The following KIAA0319L variants were observed in gnomAD, a reference collection of about 807,000 sequenced individuals.
KIAA0319L encodes KIAA0319 like.
In KIAA0319L, 55 loss-of-function variants were observed where a neutral mutation model predicts 120.1. That is an observed-to-expected ratio of 0.46 (90% CI 0.37 to 0.57). The LOEUF (loss-of-function observed/expected upper bound fraction) is 0.57. KIAA0319L is among the 20% of genes least tolerant of loss of function. KIAA0319L has a pLI of 0.00. For missense variants in KIAA0319L, 1,049 were observed against 1,255.3 expected (o/e 0.84, Z 2.48); for synonymous variants, 398 against 471.9 (o/e 0.84, Z 2.03).
intron 5 of KIAA0319L, among the ~76,000 whole-genome samples, chr1:35,471,954 G>A (rs906729877): frequency 3.3e-5 from 5 of 152,002 alleles, no homozygotes; most frequent in African/African-American, 4.8e-5. Flanking sequence ...AGTTGTCAGC[G>A]CCAACAGCTC....
intron 2 of KIAA0319L, among the ~76,000 whole-genome samples, chr1:35,512,469 A>T (rs1645491076): frequency 6.6e-6 from 1 of 152,102 alleles, no homozygotes; most frequent in Non-Finnish European, 1.5e-5. Flanking sequence ...GAGAAAAATC[A>T]AGGAAACAAA....
chr1:35,466,675 T>C lies in KIAA0319L; in HGVS notation c.1134A>G (p.Glu378=), dbSNP rs757131481. The part of the protein sequence containing the change: ...KLSKLTPGLY[E]FKVIVEGQNA... ...TTTGACCCTCTACAATCACTTTGAATTCATACAGGCCTGGAGTGAGCTGCA... is the reference window on the plus strand; with the variant it reads ...TTTGACCCTCTACAATCACTTTGAACTCATACAGGCCTGGAGTGAGCTGCA... Residue 378 remains glutamate (E), a synonymous_variant, in exon 7 of 21, where the codon GAA becomes GAG. Coordinates refer to ENST00000325722, the MANE Select transcript of KIAA0319L (RefSeq NM_024874.5). 3.1e-6 allele frequency: 5 copies of C among 1,613,008 alleles called. No homozygotes were observed. Among genetic ancestry groups the C allele is most frequent in the Non-Finnish European group, 4.2e-6 (5 of 1,179,086 alleles).
In KIAA0319L at chr1:35,461,098, T is replaced by G. The variant is rs186791356; in HGVS notation, c.1295-661A>C. Among the ~76,000 whole-genome samples the G allele has an allele frequency of 1.9e-3, 296 of 152,282 alleles. 4 individuals are homozygous for G. In the Middle Eastern group the frequency reaches 0.024, roughly 12 times the overall value. ...ACAAGTAAGAACTCGTACAATGAAA[T>G]TATACATCTATATGATGGAATGCTA... On this transcript the variant is annotated intron_variant, in intron 8 of 20. Transcript: ENST00000325722.
At chr1:35,482,120 G>A (rs965258873) in intron 3 of KIAA0319L, among the ~76,000 whole-genome samples, 3 of 151,502 alleles carry the variant, frequency 2.0e-5, no homozygotes, top group Non-Finnish European at 4.4e-5. Context: ...CACCACGCCC[G>A]GCCTGCTTTC....
chr1:35,492,342 C>A (rs1025985109), intron 3 of KIAA0319L, among the ~76,000 whole-genome samples: 3 of 151,838 alleles, frequency 2.0e-5, no homozygotes, highest in African/African-American at 7.3e-5. Context: ...GGTGAAACCC[C>A]GTCTCTACTA....
At chr1:35,546,118 G>A (rs573545698) in intron 2 of KIAA0319L, among the ~76,000 whole-genome samples, 1 of 152,288 alleles carries the variant, frequency 6.6e-6, no homozygotes, top group South Asian at 2.1e-4. Flanking sequence ...TTTGGAAGTA[G>A]TGAGCACACA....
At chr1:35,516,181 T>C (rs1262474838) in intron 2 of KIAA0319L, among the ~76,000 whole-genome samples, 2 of 152,178 alleles carry the variant, frequency 1.3e-5, no homozygotes, top group Non-Finnish European at 2.9e-5. Flanking sequence ...GAGGAGGAAC[T>C]TCTCCCCAAC....
intron 2 of KIAA0319L, among the ~76,000 whole-genome samples, chr1:35,547,858 A>G (rs1647042681): frequency 6.6e-6 from 1 of 152,188 alleles, no homozygotes; most frequent in South Asian, 2.1e-4. Flanking sequence ...GCAGTGGCTC[A>G]CGCCTGTAAT....
rs181404829 is a variant in KIAA0319L, at chr1:35,486,733, T to A, written c.667-7521A>T. Among the ~76,000 whole-genome samples the A allele has an allele frequency of 8.7e-5, 7 of 80,854 alleles. No homozygotes were observed. The East Asian group carries it at 0.017, about 198-fold the overall frequency. 53.0% of individuals were successfully genotyped at this position (80,854 alleles called of 152,430 possible). ...CTGCACAACATAGCGAGACCCCATT[T>A]CTACAAAAAAAAAAAAAAAAAATTA... is the stretch of plus-strand genomic sequence containing the variant. On this transcript the variant is annotated intron_variant, in intron 3 of 20. Coordinates refer to ENST00000325722, the MANE Select transcript of KIAA0319L (RefSeq NM_024874.5).
In KIAA0319L at chr1:35,434,760, C is replaced by T. The variant is rs1640652372; in HGVS notation, c.*134G>A. ...GGAGGACGTCTCTGGATTCAAGTCC[C>T]AGGGGTTCTGGTTGGGACTGTCAGG... On this transcript the variant is annotated 3_prime_UTR_variant, in exon 21 of 21. Coordinates refer to ENST00000325722, the MANE Select transcript of KIAA0319L (RefSeq NM_024874.5). 1 of 693,990 alleles carries T rather than the reference C, an allele frequency of 1.4e-6. No homozygotes were observed. The highest frequency in any genetic ancestry group is 2.4e-6 in the Non-Finnish European group (1 of 422,288). 43.0% of individuals were successfully genotyped at this position (693,990 alleles called of 1,614,324 possible).
intron 2 of KIAA0319L, among the ~76,000 whole-genome samples, chr1:35,526,438 T>C (rs1203425559): frequency 6.8e-6 from 1 of 146,502 alleles, no homozygotes; most frequent in East Asian, 2.0e-4. Flanking sequence ...TATGTATATA[T>C]ATATATATAT....
intron 3 of KIAA0319L, among the ~76,000 whole-genome samples, chr1:35,493,841 T>C (rs1242529341): frequency 1.3e-5 from 2 of 151,312 alleles, no homozygotes; most frequent in African/African-American, 4.9e-5. Flanking sequence ...TGAGACCCTA[T>C]CTCAAACAAA....
At chr1:35,556,900 GACT>G (rs1648166670) in intron 1 of KIAA0319L, 1 of 152,190 alleles carries the variant, frequency 6.6e-6, no homozygotes, top group Admixed American at 6.5e-5. Flanking sequence ...AGCAACTAAA[GACT>G]AGGCTGCAGA....
chr1:35,441,578 A>G (rs988727997), intron 19 of KIAA0319L, among the ~76,000 whole-genome samples: 6 of 152,178 alleles, frequency 3.9e-5, no homozygotes, highest in Non-Finnish European at 5.9e-5. Context: ...GTCACTATCA[A>G]CTGGTCCTCA....
intron 19 of KIAA0319L, among the ~76,000 whole-genome samples, 179 bp downstream of exon 19, chr1:35,442,067 C>T (rs1641266636): frequency 6.6e-6 from 1 of 151,880 alleles, no homozygotes; most frequent in Non-Finnish European, 1.5e-5. Context: ...GTGCCTCTGC[C>T]CTCAGGAGAG....
rs1216801892 is a variant in KIAA0319L, at chr1:35,479,240, T to C, written c.667-28A>G. On this transcript the variant is annotated intron_variant, in intron 3 of 20. Transcript: ENST00000325722. The stretch of plus-strand genomic sequence containing the variant: ...AAAGAAATAAAAAAACTAATTTGAG[T>C]AGGTAAAAGTTACATAATTTTTCAG... 1.3e-6 allele frequency: 2 copies of C among 1,584,630 alleles called. 1 individual carries two copies.
chr1:35,456,951 G>A (rs554848863), intron 9 of KIAA0319L, among the ~76,000 whole-genome samples: 5 of 151,648 alleles, frequency 3.3e-5, no homozygotes, highest in Admixed American at 2.6e-4. Context: ...AAGGAAGGAA[G>A]GAAGGAAGGA....
At chr1:35,538,145 T>C (rs527484275) in intron 2 of KIAA0319L, among the ~76,000 whole-genome samples, 11 of 152,320 alleles carry the variant, frequency 7.2e-5, no homozygotes, top group Middle Eastern at 3.4e-3. Context: ...TCTGCCTCCA[T>C]AGTGTGACCT....
At chr1:35,478,557 A>G (rs1315881585) in intron 4 of KIAA0319L, among the ~76,000 whole-genome samples, 1 of 152,010 alleles carries the variant, frequency 6.6e-6, no homozygotes, top group East Asian at 2.0e-4. Flanking sequence ...ATATATCCAC[A>G]AAAATTAAAA....
Sources: allele counts gnomAD v4.1 joint callset (sites outside exome capture counted in the v4.1 genomes callset), GRCh38; gene constraint gnomAD v4.1.1; transcripts MANE v1.5; gene names NCBI Gene and HGNC (gene_info 2026-07-23, HGNC 2026-07-21).